The following FHOD3 variants were observed in gnomAD, a reference collection of about 807,000 sequenced individuals.
FHOD3 encodes the protein formin homology 2 domain containing 3.
Under a neutral mutation model 173.0 loss-of-function variants are expected in FHOD3, and 90 were observed. The observed-to-expected ratio is 0.52, with a 90% confidence interval of 0.44 to 0.62. The LOEUF is 0.62. Ranked by LOEUF, FHOD3 falls within the 20% of genes least tolerant of loss-of-function variation. The pLI is 0.00. For missense variants in FHOD3, 1,945 were observed against 2,034.7 expected (o/e 0.96, Z 0.85); for synonymous variants, 828 against 823.0 (o/e 1.01, Z -0.10).
chr18:36,512,547 A>G lies in FHOD3; in HGVS notation c.511+4A>G. The G allele has an allele frequency of 6.2e-7, 1 of 1,607,228 alleles. No individual in the cohort carries two copies. Among genetic ancestry groups the G allele is most frequent in the Non-Finnish European group, 8.5e-7 (1 of 1,174,058 alleles). ...TATCAGAACTACATCTTAAGGGGTA[A>G]GTCATGACTGGGCATGCAGCAGCTG... is the stretch of plus-strand genomic sequence containing the variant. On this transcript the variant is annotated splice_donor_region_variant and intron_variant, in intron 5 of 28. Coordinates refer to ENST00000590592, the MANE Select transcript of FHOD3 (RefSeq NM_001281740.3).
At chr18:36,482,864 G>GCC (rs2054000619) in intron 3 of FHOD3, among the ~76,000 whole-genome samples, 1 of 48,908 alleles carries the variant, frequency 2.0e-5, no homozygotes, top group Non-Finnish European at 4.5e-5. Context: ...CACACAGAGA[G>GCC]AGAGAGAGAG....
At chr18:36,399,893 G>T (rs745813128) in intron 3 of FHOD3, among the ~76,000 whole-genome samples, 67 of 152,354 alleles carry the variant, frequency 4.4e-4, no homozygotes, top group Non-Finnish European at 8.2e-4. Context: ...CGAGATGGCT[G>T]CTGGCCCAAC....
intron 3 of FHOD3, among the ~76,000 whole-genome samples, chr18:36,380,955 C>T (rs189536219): frequency 1.6e-3 from 245 of 152,252 alleles, no homozygotes; most frequent in African/African-American, 5.7e-3. Context: ...CAAGGCATTT[C>T]CTCATGGCCA....
At chr18:36,743,325 A>G (rs999439702) in intron 22 of FHOD3, among the ~76,000 whole-genome samples, 8 of 151,028 alleles carry the variant, frequency 5.3e-5, no homozygotes, top group African/African-American at 1.9e-4. Context: ...AAAAAAAAAA[A>G]AAAAAAAAAA....
Position 36,442,280 on chromosome 18 carries a change from A to AT in FHOD3, c.338-59643dup, listed in dbSNP as rs1204427161. Among the ~76,000 whole-genome samples, 23 of 151,550 alleles carry AT rather than the reference A, an allele frequency of 1.5e-4. No homozygotes were observed. The East Asian group carries it at 2.1e-3, about 14-fold the overall frequency. The stretch of plus-strand genomic sequence containing the variant: ...AATAGCCTATGGAGGCTAGCAGTTG[A>AT]TTTTTTTTTCCTTTCAAGGTATATT... On this transcript the variant is annotated intron_variant, in intron 3 of 28. Transcript: ENST00000590592.
At chr18:36,592,889 C>A (rs2059273426) in intron 6 of FHOD3, among the ~76,000 whole-genome samples, 1 of 152,094 alleles carries the variant, frequency 6.6e-6, no homozygotes, top group South Asian at 2.1e-4. Context: ...TTATATGATG[C>A]CTGCTCAGGA....
chr18:36,397,787 C>G (rs9956609), intron 3 of FHOD3, among the ~76,000 whole-genome samples: 6,655 of 152,240 alleles, frequency 0.044, 489 homozygotes, highest in African/African-American at 0.15. Context: ...GGTCCGCACT[C>G]TAGGGCTAGT....
At chr18:36,317,092 A>T (rs1568113616) in intron 1 of FHOD3, among the ~76,000 whole-genome samples, 1 of 152,156 alleles carries the variant, frequency 6.6e-6, no homozygotes. Flanking sequence ...CATTGTGTAT[A>T]TGTGCCACAT....
chr18:36,531,351 T>C (rs1443830897), intron 5 of FHOD3, among the ~76,000 whole-genome samples: 1 of 152,168 alleles, frequency 6.6e-6, no homozygotes, highest in Non-Finnish European at 1.5e-5. Flanking sequence ...TCTTTCCCCT[T>C]TGATAACCTT....
intron 17 of FHOD3, among the ~76,000 whole-genome samples, chr18:36,704,986 C>T (rs529779582): frequency 2.1e-4 from 20 of 94,430 alleles, no homozygotes; most frequent in African/African-American, 8.2e-4. Flanking sequence ...ACCTCTTCCT[C>T]CTCTGTCTCT....
At chr18:36,437,811 G>A (rs941455790) in intron 3 of FHOD3, among the ~76,000 whole-genome samples, 20 of 151,922 alleles carry the variant, frequency 1.3e-4, no homozygotes, top group Admixed American at 3.3e-4. Flanking sequence ...TTACAGACAC[G>A]TGCCACCACA....
chr18:36,541,683 C>T (rs949649959), intron 5 of FHOD3, among the ~76,000 whole-genome samples: 13 of 152,260 alleles, frequency 8.5e-5, no homozygotes, highest in African/African-American at 2.4e-4. Flanking sequence ...GAGCCCAGGA[C>T]GTTAGGATAA....
chr18:36,616,698 ATCCTACTAC>A, intron 9 of FHOD3, among the ~76,000 whole-genome samples: 1 of 152,350 alleles, frequency 6.6e-6, no homozygotes, highest in Admixed American at 6.5e-5. Flanking sequence ...CTTCATTGTC[ATCCTACTAC>A]TCCTATCCCC....
chr18:36,681,329 C>G, intron 14 of FHOD3, 107 bp from the exon 15 acceptor site: 1 of 1,356,496 alleles, frequency 7.4e-7, no homozygotes, highest in Non-Finnish European at 1.0e-6. Context: ...CAAGCATTGC[C>G]TAGGTACCGG....
At chr18:36,368,101 TTCTCTCTC>T (rs146735866) in intron 2 of FHOD3, among the ~76,000 whole-genome samples, 5 of 149,338 alleles carry the variant, frequency 3.3e-5, no homozygotes, top group African/African-American at 4.9e-5. Flanking sequence ...CCAGCTCCTA[TTCTCTCTC>T]TCTCTCTCTC....
chr18:36,516,306 T>A (rs1429388724), intron 5 of FHOD3, among the ~76,000 whole-genome samples: 2 of 152,172 alleles, frequency 1.3e-5, no homozygotes, highest in East Asian at 3.8e-4. Context: ...CACAGTTCCC[T>A]GAGGAGAAGA....
intron 14 of FHOD3, among the ~76,000 whole-genome samples, chr18:36,677,384 G>A (rs772482371): frequency 2.6e-5 from 4 of 152,042 alleles, no homozygotes; most frequent in Non-Finnish European, 2.9e-5. Flanking sequence ...ACTCCTGACC[G>A]CAGGTGATCC....
chr18:36,510,735 T>G (rs2055586139), intron 4 of FHOD3, among the ~76,000 whole-genome samples: 1 of 152,268 alleles, frequency 6.6e-6, no homozygotes, highest in South Asian at 2.1e-4. Context: ...TTTTATTTCC[T>G]TTATACATAT....
rs537544268 is a variant in FHOD3, at chr18:36,481,177, G to A, written c.338-20755G>A. Among the ~76,000 whole-genome samples the A allele has an allele frequency of 4.9e-4, 74 of 152,082 alleles. 1 individual carries two copies. The South Asian group carries it at 0.013, about 26-fold the overall frequency. On this transcript the variant is annotated intron_variant, in intron 3 of 28. Coordinates refer to ENST00000590592, the MANE Select transcript of FHOD3 (RefSeq NM_001281740.3). ...AAGCAACAGGACTGAAGGAAGGAGG[G>A]GAGCGGTGGAGTCATTGTTGCTTTC...
Sources: gnomAD v4.1 joint callset for allele counts (sites outside exome capture counted in the v4.1 genomes callset) on GRCh38, gnomAD v4.1.1 for gene constraint, MANE v1.5 for transcripts, NCBI Gene and HGNC (gene_info 2026-07-23, HGNC 2026-07-21) for gene names.